Variants in ELP4 observed in about 807,000 individuals in gnomAD.
The protein encoded by ELP4 is elongator complex protein 4.
Under a neutral mutation model 48.9 loss-of-function variants are expected in ELP4, and 51 were observed. The observed-to-expected ratio is 1.04, with a 90% CI of 0.83 to 1.32. The LOEUF is 1.32. Among genes scored for constraint, ELP4 ranks in the 40% most tolerant of loss-of-function variants. The pLI is 0.00. For synonymous variants in ELP4, 210 were observed against 189.2 expected (o/e 1.11, Z -0.90); for missense variants, 519 against 514.6 (o/e 1.01, Z -0.08).
At chr11:31,756,589 C>G (rs76098575) in intron 9 of ELP4, among the ~76,000 whole-genome samples, 27 of 152,134 alleles carry the variant, frequency 1.8e-4, no homozygotes, top group Non-Finnish European at 3.1e-4. Flanking sequence ...TCCTTTGCAG[C>G]ACCTTCTTAA....
chr11:31,690,341 C>G (rs1946250776), intron 9 of ELP4, among the ~76,000 whole-genome samples: 1 of 152,078 alleles, frequency 6.6e-6, no homozygotes. Context: ...TCTGCCCTCA[C>G]TTTCCTTCAA....
At chr11:31,777,953 G>A (rs1448639791) in intron 9 of ELP4, among the ~76,000 whole-genome samples, 4 of 152,204 alleles carry the variant, frequency 2.6e-5, no homozygotes, top group Non-Finnish European at 5.9e-5. Flanking sequence ...TGGCTGCAGA[G>A]ATGAGTATAT....
chr11:31,584,510 TTTTTG>T (rs1257017417), intron 3 of ELP4, among the ~76,000 whole-genome samples: 2 of 152,100 alleles, frequency 1.3e-5, no homozygotes, highest in African/African-American at 4.8e-5. Flanking sequence ...ATTTATAGTT[TTTTTG>T]TTTTGTTTTG....
intron 9 of ELP4, among the ~76,000 whole-genome samples, chr11:31,680,246 C>G (rs528445648): frequency 6.6e-6 from 1 of 152,274 alleles, no homozygotes; most frequent in East Asian, 1.9e-4. Flanking sequence ...CTCCAACATA[C>G]TTTTTATTAT....
intron 3 of ELP4, among the ~76,000 whole-genome samples, chr11:31,552,692 C>T (rs1956872163): frequency 6.6e-6 from 1 of 152,106 alleles, no homozygotes. Context: ...CTTTGCTTCT[C>T]TTCAGTCTGA....
intron 2 of ELP4, among the ~76,000 whole-genome samples, chr11:31,528,762 G>A (rs963125634): frequency 6.6e-6 from 1 of 151,980 alleles, no homozygotes; most frequent in Non-Finnish European, 1.5e-5. Context: ...ATTGAGGTGA[G>A]GTAAATAATT....
intron 1 of ELP4, chr11:31,511,179 C>T (rs1054381615): frequency 3.3e-5 from 5 of 152,038 alleles, no homozygotes; most frequent in African/African-American, 9.7e-5. Context: ...ATATATTTTC[C>T]TCCTGAGTTG....
rs546784984 is a variant in ELP4 at position 31,627,260 on chromosome 11, G to A, written c.738+66G>A. 23 of 233,530 alleles carry A rather than the reference G, an allele frequency of 9.8e-5. 6 individuals carry two copies. In the East Asian group the frequency reaches 2.6e-3, roughly 26 times the overall value. The allele number at this position is 233,530 out of a possible 1,614,324, so 14.5% of individuals were successfully genotyped here. A position where few individuals can be genotyped will look rare whatever the true frequency, so the allele number is the denominator to read the frequency against. On this transcript the variant is annotated intron_variant, in intron 6 of 9. Coordinates refer to ENST00000640961, the MANE Select transcript of ELP4 (RefSeq NM_019040.5). ...ATGTTGTTTTCAAATTCTCTGGGGGGGGGGGCGGGAACCCAGAAGTTTTAG... is the reference window on the plus strand; with the variant it reads ...ATGTTGTTTTCAAATTCTCTGGGGGAGGGGGCGGGAACCCAGAAGTTTTAG...
intron 9 of ELP4, among the ~76,000 whole-genome samples, chr11:31,741,613 G>T (rs61879804): frequency 6.6e-6 from 1 of 152,034 alleles, no homozygotes; most frequent in Non-Finnish European, 1.5e-5. Context: ...TGCAGCCACC[G>T]CTGCTGATAC....
intron 9 of ELP4, among the ~76,000 whole-genome samples, chr11:31,761,476 A>C (rs1565144730): frequency 6.6e-6 from 1 of 152,200 alleles, no homozygotes; most frequent in Non-Finnish European, 1.5e-5. Context: ...TTTTCACCAG[A>C]ATAGAATTTC....
chr11:31,511,422 C>T (rs1276627240), intron 1 of ELP4: 4 of 152,112 alleles, frequency 2.6e-5, no homozygotes, highest in African/African-American at 9.7e-5. Context: ...TTCAGTTCCT[C>T]ATTAGAATAA....
chr11:31,675,632 T>C (rs748359505), intron 9 of ELP4, among the ~76,000 whole-genome samples: 1 of 152,134 alleles, frequency 6.6e-6, no homozygotes, highest in Non-Finnish European at 1.5e-5. Context: ...CTGTGGGAAA[T>C]GCAAATGCTA....
At chr11:31,566,016 T>A (rs918923335) in intron 3 of ELP4, among the ~76,000 whole-genome samples, 1 of 152,174 alleles carries the variant, frequency 6.6e-6, no homozygotes, top group African/African-American at 2.4e-5. Context: ...CATGGAATGT[T>A]CTTACATTTG....
At chr11:31,643,870 C>G (rs1390823996) in intron 7 of ELP4, among the ~76,000 whole-genome samples, 1 of 151,720 alleles carries the variant, frequency 6.6e-6, no homozygotes, top group Non-Finnish European at 1.5e-5. Context: ...AGGTAGAAGA[C>G]TGGACAATCT....
At chr11:31,781,488 CTTTTTTTTTTTTTT>C (rs141365629) in intron 9 of ELP4, among the ~76,000 whole-genome samples, 875 of 67,480 alleles carry the variant, frequency 0.013, 17 homozygotes, top group Middle Eastern at 0.034. Context: ...ATTCCTGAGC[CTTTTTTTTTTTTTT>C]TTTTTTTTTT....
At chr11:31,767,365 G>A (rs1466893316) in intron 9 of ELP4, 2 of 145,504 alleles carry the variant, frequency 1.4e-5, no homozygotes, top group Non-Finnish European at 3.0e-5. Flanking sequence ...TCTCTATTTT[G>A]AGGATCTTTC....
intron 9 of ELP4, among the ~76,000 whole-genome samples, chr11:31,701,547 A>G (rs534912771): frequency 6.6e-6 from 1 of 151,966 alleles, no homozygotes; most frequent in Non-Finnish European, 1.5e-5. Flanking sequence ...ATTTATGTCA[A>G]AAGCTATTGC....
intron 3 of ELP4, among the ~76,000 whole-genome samples, chr11:31,542,877 T>C (rs1315726173): frequency 6.6e-6 from 1 of 152,162 alleles, no homozygotes; most frequent in African/African-American, 2.4e-5. Context: ...AACATAAGTT[T>C]TATTACAAGT....
chr11:31,656,335 C>G (rs912641128), intron 9 of ELP4, among the ~76,000 whole-genome samples: 2 of 151,932 alleles, frequency 1.3e-5, no homozygotes, highest in African/African-American at 2.4e-5. Context: ...TCACATGCTT[C>G]CTGTTAGTTT....
Sources: allele counts gnomAD v4.1 joint callset (sites outside exome capture counted in the v4.1 genomes callset), GRCh38; gene constraint gnomAD v4.1.1; transcripts MANE v1.5; gene names NCBI Gene and HGNC (gene_info 2026-07-23, HGNC 2026-07-21).